The following MPPED2 variants were observed in gnomAD, a reference collection of about 807,000 sequenced individuals.
The protein encoded by MPPED2 is metallophosphoesterase domain containing 2.
MPPED2 carries 5 observed loss-of-function variants against 33.0 expected under a neutral mutation model. The ratio of observed to expected loss-of-function variants is 0.15; its 90% CI spans 0.08 to 0.32. The LOEUF is 0.32. Ranked by LOEUF, MPPED2 falls within the 10% of genes least tolerant of loss-of-function variation. MPPED2 has a pLI of 1.00. For synonymous variants in MPPED2, 136 were observed against 141.9 expected (o/e 0.96, Z 0.29); for missense variants, 275 against 372.1 (o/e 0.74, Z 2.15).
chr11:30,482,721 C>A (rs1266881045), intron 4 of MPPED2, among the ~76,000 whole-genome samples: 2 of 152,114 alleles, frequency 1.3e-5, no homozygotes, highest in Non-Finnish European at 2.9e-5. Flanking sequence ...TCCACTGATT[C>A]TGTTTATTGG....
intron 3 of MPPED2, among the ~76,000 whole-genome samples, chr11:30,518,184 C>T (rs998354777): frequency 6.6e-6 from 1 of 152,158 alleles, no homozygotes; most frequent in Non-Finnish European, 1.5e-5. Context: ...ACTCTTTTAA[C>T]CGACAGTCTC....
intron 4 of MPPED2, among the ~76,000 whole-genome samples, chr11:30,449,763 A>G (rs1194734162): frequency 6.6e-6 from 1 of 152,198 alleles, no homozygotes; most frequent in African/African-American, 2.4e-5. Flanking sequence ...TCCTAAACCA[A>G]GATAAAGAGA....
chr11:30,515,894 A>G (rs981938846), intron 3 of MPPED2, among the ~76,000 whole-genome samples: 1 of 152,178 alleles, frequency 6.6e-6, no homozygotes, highest in African/African-American at 2.4e-5. Flanking sequence ...GATATTCCAA[A>G]GTCTGGATTG....
At chr11:30,461,432 G>A (rs946050890) in intron 4 of MPPED2, among the ~76,000 whole-genome samples, 2 of 152,110 alleles carry the variant, frequency 1.3e-5, no homozygotes, top group African/African-American at 2.4e-5. Flanking sequence ...AAAGGGTGAC[G>A]CTGCACCAGA....
chr11:30,559,007 A>C (rs1361011191), intron 2 of MPPED2, among the ~76,000 whole-genome samples: 1 of 152,190 alleles, frequency 6.6e-6, no homozygotes, highest in African/African-American at 2.4e-5. Flanking sequence ...ATGGAATAGA[A>C]AATAAAGATA....
chr11:30,537,878 G>T (rs1476278450), intron 2 of MPPED2, among the ~76,000 whole-genome samples: 1 of 152,080 alleles, frequency 6.6e-6, no homozygotes, highest in Non-Finnish European at 1.5e-5. Context: ...TATAGCCGAT[G>T]TTGCTTTTTT....
At chr11:30,490,560 ATCCC>A (rs1951931104) in intron 4 of MPPED2, among the ~76,000 whole-genome samples, 1 of 152,070 alleles carries the variant, frequency 6.6e-6, no homozygotes, top group South Asian at 2.1e-4. Flanking sequence ...CAGACCTGGC[ATCCC>A]ACTTATAACA....
rs147873507 is a variant in MPPED2, at chr11:30,547,674, A to G, written c.129-11499T>C. 3.2e-3 allele frequency among the ~76,000 whole-genome samples: 494 copies of G among 152,250 alleles called. 3 individuals carry two copies. Among genetic ancestry groups the G allele is most frequent in the Admixed American group, 0.011 (171 of 15,290 alleles). The stretch of plus-strand genomic sequence containing the variant: ...ATTATGTCCAGTGGAGGTTCAATCG[A>G]CTTCCCCTCCACTTTTGATCCATTT... On this transcript the variant is annotated intron_variant, in intron 2 of 6. Transcript: ENST00000358117.
At chr11:30,468,254 ACACTCTCTCT>A (rs758962296) in intron 4 of MPPED2, among the ~76,000 whole-genome samples, 155 of 107,970 alleles carry the variant, frequency 1.4e-3, no homozygotes, top group Non-Finnish European at 2.5e-3. Context: ...ACACACACAC[ACACTCTCTCT>A]CTCTCTCTCT....
intron 6 of MPPED2, among the ~76,000 whole-genome samples, chr11:30,412,484 G>GA (rs1948152181): frequency 6.6e-6 from 1 of 151,934 alleles, no homozygotes; most frequent in African/African-American, 2.4e-5. Context: ...ACATAGCTGT[G>GA]AAAAAAATAA....
chr11:30,541,424 A>T (rs1438756378), intron 2 of MPPED2, among the ~76,000 whole-genome samples: 6 of 152,116 alleles, frequency 3.9e-5, no homozygotes, highest in Admixed American at 3.9e-4. Context: ...TGTGACATGG[A>T]TTTCTTCTTT....
chr11:30,454,878 A>C (rs1447529222), intron 4 of MPPED2, among the ~76,000 whole-genome samples: 2 of 152,248 alleles, frequency 1.3e-5, no homozygotes, highest in Non-Finnish European at 2.9e-5. Context: ...TCTAGCGATC[A>C]TATTCCTATT....
At chr11:30,458,285 C>A (rs1950366212) in intron 4 of MPPED2, among the ~76,000 whole-genome samples, 1 of 152,090 alleles carries the variant, frequency 6.6e-6, no homozygotes, top group South Asian at 2.1e-4. Context: ...GAGAGTACAA[C>A]CTTGCCATTT....
intron 2 of MPPED2, among the ~76,000 whole-genome samples, chr11:30,539,976 C>A (rs1316180186): frequency 1.3e-5 from 2 of 152,130 alleles, no homozygotes; most frequent in Non-Finnish European, 2.9e-5. Context: ...CCTTCCTCCC[C>A]CTGTGCAACC....
chr11:30,490,294 T>C (rs1322831947), intron 4 of MPPED2, among the ~76,000 whole-genome samples: 1 of 152,056 alleles, frequency 6.6e-6, no homozygotes, highest in Non-Finnish European at 1.5e-5. Context: ...CCCACCTGCC[T>C]GACAACAAAA....
At chr11:30,401,730 G>A (rs929004676) in intron 6 of MPPED2, among the ~76,000 whole-genome samples, 2 of 152,156 alleles carry the variant, frequency 1.3e-5, no homozygotes, top group Non-Finnish European at 2.9e-5. Flanking sequence ...CAGCACCCAG[G>A]CTGGAGTGCA....
intron 4 of MPPED2, among the ~76,000 whole-genome samples, chr11:30,447,303 G>T (rs1949856002): frequency 6.6e-6 from 1 of 152,196 alleles, no homozygotes; most frequent in African/African-American, 2.4e-5. Context: ...ACCCACAGTA[G>T]CCCATTATAT....
At chr11:30,482,344 A>T (rs934063630) in intron 4 of MPPED2, among the ~76,000 whole-genome samples, 1 of 152,196 alleles carries the variant, frequency 6.6e-6, no homozygotes, top group African/African-American at 2.4e-5. Context: ...AGAAAAACAT[A>T]CTATTGCTGT....
intron 3 of MPPED2, among the ~76,000 whole-genome samples, chr11:30,522,422 A>ACC (rs1428392533): frequency 6.7e-6 from 1 of 148,804 alleles, no homozygotes; most frequent in Admixed American, 6.7e-5. Context: ...ACACACACAC[A>ACC]CCTAGAAAGA....
Sources: gnomAD v4.1 joint callset for allele counts (sites outside exome capture counted in the v4.1 genomes callset) on GRCh38, gnomAD v4.1.1 for gene constraint, MANE v1.5 for transcripts, NCBI Gene and HGNC (gene_info 2026-07-23, HGNC 2026-07-21) for gene names.